MAP4K3: variants seen among roughly 807,000 people sequenced by gnomAD.
MAP4K3 encodes mitogen-activated protein kinase kinase kinase kinase 3.
Under a neutral mutation model 143.5 loss-of-function variants are expected in MAP4K3, and 94 were observed. The observed-to-expected ratio is 0.65, with a 90% CI of 0.55 to 0.78. MAP4K3 has a LOEUF of 0.78. Ranked by LOEUF, MAP4K3 falls within the 30% of genes least tolerant of loss-of-function variation. MAP4K3 has a pLI of 0.00. For synonymous variants in MAP4K3, 416 were observed against 347.2 expected, an observed-to-expected ratio of 1.20 and a Z score of -2.20; for missense variants, 1,077 against 1,068.1, an observed-to-expected ratio of 1.01 and a Z score of -0.12.
intron 3 of MAP4K3, among the ~76,000 whole-genome samples, chr2:39,351,681 A>T (rs1423288919): frequency 6.6e-6 from 1 of 152,154 alleles, no homozygotes; most frequent in African/African-American, 2.4e-5. Flanking sequence ...ATTTTACTTT[A>T]GTTTTGAGAC....
intron 1 of MAP4K3, among the ~76,000 whole-genome samples, chr2:39,429,254 G>T (rs1162053264): frequency 2.6e-5 from 4 of 151,994 alleles, no homozygotes; most frequent in African/African-American, 9.7e-5. Flanking sequence ...TGCAATATTA[G>T]TAGGAAAAGC....
At chr2:39,405,054 T>C (rs75139906) in intron 1 of MAP4K3, among the ~76,000 whole-genome samples, 2,716 of 152,314 alleles carry the variant, frequency 0.018, 82 homozygotes, top group African/African-American at 0.06. Context: ...TGATTACAGA[T>C]ACCTAGGGTC....
chr2:39,303,281 T>C (rs1260422278), intron 15 of MAP4K3, among the ~76,000 whole-genome samples: 3 of 152,148 alleles, frequency 2.0e-5, no homozygotes, highest in African/African-American at 7.2e-5. Flanking sequence ...TAGAGAGGTG[T>C]TGAATCCAGG....
intron 12 of MAP4K3, among the ~76,000 whole-genome samples, chr2:39,319,950 G>C (rs1435940409): frequency 6.6e-6 from 1 of 152,120 alleles, no homozygotes; most frequent in Non-Finnish European, 1.5e-5. Context: ...GTTTTTAAAA[G>C]TCCCCAATTC....
intron 1 of MAP4K3, among the ~76,000 whole-genome samples, chr2:39,413,813 G>A (rs536688729): frequency 5.9e-5 from 9 of 151,730 alleles, no homozygotes; most frequent in Non-Finnish European, 8.8e-5. Context: ...CCTCTTAAGT[G>A]AAGCTCTGCT....
At position 39,333,961 on chromosome 2, in the gene MAP4K3, TTGTGTGTGTGTGTGTGTGTG is replaced by T. The variant is rs60361690; in HGVS notation, c.415-407_415-388del. Among the ~76,000 whole-genome samples the T allele has an allele frequency of 1.4e-3, 207 of 144,144 alleles. 3 individuals carry two copies. Among genetic ancestry groups the T allele is most frequent in the African/African-American group, 5.1e-3 (202 of 39,828 alleles). 94.6% of individuals were successfully genotyped at this position (144,144 alleles called of 152,430 possible). On this transcript the variant is annotated intron_variant, in intron 6 of 33. Coordinates refer to ENST00000263881, the MANE Select transcript of MAP4K3 (RefSeq NM_003618.4). Reference sequence around the variant, plus strand: ...TAAACTTGATTATTGTTTCCCATTTTTGTGTGTGTGTGTGTGTGTGTGTGTGTGTGTGTGTGTGTTTTTAA... The same window carrying T: ...TAAACTTGATTATTGTTTCCCATTTTTGTGTGTGTGTGTGTGTGTTTTTAA...
At chr2:39,314,947 C>G (rs1411287969) in intron 13 of MAP4K3, among the ~76,000 whole-genome samples, 2 of 152,176 alleles carry the variant, frequency 1.3e-5, no homozygotes, top group African/African-American at 4.8e-5. Context: ...GACGTGGGAG[C>G]TTGTTAGTAG....
At chr2:39,294,155 C>T (rs1015880944) in intron 16 of MAP4K3, 5 of 152,132 alleles carry the variant, frequency 3.3e-5, no homozygotes, top group African/African-American at 1.2e-4. Context: ...AAGTTTTACT[C>T]TCCCTAAAAG....
Position 39,325,976 on chromosome 2 carries a change from A to T in MAP4K3, c.663-15T>A. 6.3e-7 allele frequency: 1 copy of T among 1,577,792 alleles called. No individual in the cohort carries two copies. Among genetic ancestry groups the T allele is most frequent in the African/African-American group, 1.4e-5 (1 of 73,830 alleles). On this transcript the variant is annotated splice_polypyrimidine_tract_variant and intron_variant, in intron 9 of 33. Transcript: ENST00000263881. ...GAAATAATGCTCTGAAAAATCAACAAATCATTACACAGCATTTTAATATTT... is the reference window on the plus strand; with the variant it reads ...GAAATAATGCTCTGAAAAATCAACATATCATTACACAGCATTTTAATATTT...
chr2:39,344,519 T>C (rs1004704188), intron 3 of MAP4K3, among the ~76,000 whole-genome samples: 1 of 152,254 alleles, frequency 6.6e-6, no homozygotes. Context: ...CTATACTGTA[T>C]GGCTGCTTTC....
In MAP4K3 at chr2:39,315,323, G is replaced by C. The variant is rs146480646; in HGVS notation, c.984C>G (p.Arg328=). 2.9e-5 allele frequency: 46 copies of C among 1,604,708 alleles called. No homozygotes were observed. The highest frequency in any genetic ancestry group is 3.9e-5 in the Non-Finnish European group (46 of 1,172,176). The part of the protein sequence containing the change: ...TSRNVREEKT[R]SEITFGQVKF... ...GTATATACTTACAGGTTATCTCTGA[G>C]CGTGTTTTTTCTTCTCTCACGTTTC... is the stretch of plus-strand genomic sequence containing the variant. The change falls in exon 13 of 34, where the codon CGC becomes CGG. Residue 328 remains arginine, a synonymous_variant. Transcript: ENST00000263881.
Position 39,299,087 on chromosome 2 carries a change from C to T in MAP4K3, c.1178+656G>A, listed in dbSNP as rs566801700. Among the ~76,000 whole-genome samples, 6 of 151,694 alleles carry T rather than the reference C, an allele frequency of 4.0e-5. No homozygotes were observed. The South Asian group carries it at 1.0e-3, about 26-fold the overall frequency. On this transcript the variant is annotated intron_variant, in intron 16 of 33. Transcript: ENST00000263881. ...TAAATTAGTTTTTATCATAATTTAT[C>T]CACAAACTTAGAAAATGAGACTCTA...
At chr2:39,395,967 T>C (rs944588515) in intron 1 of MAP4K3, among the ~76,000 whole-genome samples, 8 of 152,170 alleles carry the variant, frequency 5.3e-5, no homozygotes, top group Admixed American at 2.6e-4. Flanking sequence ...ATGTAGAATA[T>C]ATGTATACTT....
chr2:39,276,079 G>A (rs561341904), intron 24 of MAP4K3, among the ~76,000 whole-genome samples: 1 of 152,126 alleles, frequency 6.6e-6, no homozygotes, highest in South Asian at 2.1e-4. Context: ...CACCTTATTT[G>A]TTAGGCTGGT....
intron 20 of MAP4K3, among the ~76,000 whole-genome samples, chr2:39,287,752 G>C (rs1254011259): frequency 2.6e-5 from 4 of 152,184 alleles, no homozygotes; most frequent in African/African-American, 9.7e-5. Context: ...GAAATAAGGA[G>C]TTAGGACAAG....
At chr2:39,289,822 T>C (rs1232242475) in intron 19 of MAP4K3, among the ~76,000 whole-genome samples, 1 of 152,200 alleles carries the variant, frequency 6.6e-6, no homozygotes, top group Non-Finnish European at 1.5e-5. Flanking sequence ...CAGTGACTCA[T>C]GCCTGTAATC....
At chr2:39,317,362 C>A (rs1683147917) in intron 12 of MAP4K3, among the ~76,000 whole-genome samples, 1 of 152,072 alleles carries the variant, frequency 6.6e-6, no homozygotes. Context: ...GCAAAGATTT[C>A]ATGATGAAGA....
intron 1 of MAP4K3, among the ~76,000 whole-genome samples, chr2:39,422,286 T>C (rs1447006515): frequency 6.6e-6 from 1 of 152,136 alleles, no homozygotes; most frequent in Non-Finnish European, 1.5e-5. Context: ...GAACAGCAAT[T>C]ATACCCTCCT....
chr2:39,337,815 T>C (rs1010723392), intron 4 of MAP4K3, among the ~76,000 whole-genome samples: 3 of 123,336 alleles, frequency 2.4e-5, no homozygotes, highest in Non-Finnish European at 3.2e-5. Context: ...CAGGCTGGAG[T>C]GTAGTGCAAT....
Sources: gnomAD v4.1 joint callset for allele counts (sites outside exome capture counted in the v4.1 genomes callset) on GRCh38, gnomAD v4.1.1 for gene constraint, MANE v1.5 for transcripts, NCBI Gene and HGNC (gene_info 2026-07-23, HGNC 2026-07-21) for gene names.